The following ANKH variants were observed in gnomAD, a reference collection of about 807,000 sequenced individuals.
The protein encoded by ANKH is ANKH inorganic pyrophosphate transport regulator, also known as mineralization regulator ANKH.
ANKH carries 15 observed loss-of-function variants against 49.0 expected under a neutral mutation model. The observed-to-expected ratio is 0.31, with a 90% CI of 0.20 to 0.47. The LOEUF (loss-of-function observed/expected upper bound fraction) is 0.47. Among genes scored for constraint, ANKH ranks in the 20% least tolerant of loss-of-function variants. The pLI is 1.00. For missense variants in ANKH, 429 were observed against 652.0 expected (o/e 0.66, Z 3.72); for synonymous variants, 273 against 260.0 (o/e 1.05, Z -0.48).
rs552593337 is a variant in ANKH at position 14,725,425 on chromosome 5, C to T, written c.1012-8590G>A. Among the ~76,000 whole-genome samples the T allele has an allele frequency of 9.2e-5, 14 of 152,258 alleles. No homozygotes were observed. Among genetic ancestry groups the T allele is most frequent in the Non-Finnish European group, 1.8e-4 (12 of 68,048 alleles). On this transcript the variant is annotated intron_variant, in intron 8 of 11. Coordinates refer to ENST00000284268, the MANE Select transcript of ANKH (RefSeq NM_054027.6). This position sits in a 1 kb window ranked among gnomAD's most constrained non-coding sequence, Gnocchi z 4.0. The stretch of plus-strand genomic sequence containing the variant: ...TCCAAACAACGCCAGCTGAACTGGA[C>T]ATCATACCTGGTGACCAAGTTGATT...
At chr5:14,766,428 A>G (rs929803050) in intron 2 of ANKH, among the ~76,000 whole-genome samples, 3 of 152,120 alleles carry the variant, frequency 2.0e-5, no homozygotes. Flanking sequence ...AAACTGAAGA[A>G]AAGTGCTGAA....
intron 1 of ANKH, among the ~76,000 whole-genome samples, chr5:14,805,253 T>C (rs930275602): frequency 6.6e-6 from 1 of 151,634 alleles, no homozygotes; most frequent in African/African-American, 2.4e-5. Context: ...CCCTCGAACA[T>C]CAGACTCCAA....
chr5:14,741,118 T>TA (rs1271182266), intron 8 of ANKH, among the ~76,000 whole-genome samples: 7 of 152,352 alleles, frequency 4.6e-5, no homozygotes, highest in East Asian at 3.9e-4. Context: ...ATAAACGCTC[T>TA]AAAAAAACCT....
chr5:14,718,792 C>T (rs1397034478), intron 8 of ANKH, among the ~76,000 whole-genome samples: 1 of 147,338 alleles, frequency 6.8e-6, no homozygotes, highest in Non-Finnish European at 1.5e-5. Flanking sequence ...GCACTCCAGC[C>T]TGGGCAACAA....
rs1361481851 is a variant in ANKH, at chr5:14,758,618, A to G, written c.314-20T>C. ...TATAAGCTGCAAAGTGTCGAAAGGC[A>G]TATGTGGAAATATTTAGAAAAGGAT... On this transcript the variant is annotated intron_variant, in intron 2 of 11. Coordinates refer to ENST00000284268, the MANE Select transcript of ANKH (RefSeq NM_054027.6). 6.9e-7 allele frequency: 1 copy of G among 1,442,368 alleles called. No homozygotes were observed. Among genetic ancestry groups the G allele is most frequent in the East Asian group, 2.3e-5 (1 of 44,038 alleles). 89.3% of individuals were successfully genotyped at this position (1,442,368 alleles called of 1,614,324 possible). A position where few individuals can be genotyped will look rare whatever the true frequency, so the allele number is the denominator to read the frequency against.
chr5:14,709,896 C>T lies in ANKH; in HGVS notation c.*1301G>A, dbSNP rs1737096387. 1 of 152,662 alleles carries T rather than the reference C, an allele frequency of 6.6e-6. No homozygotes were observed. The highest frequency in any genetic ancestry group is 2.4e-5 in the African/African-American group (1 of 41,532). 9.5% of individuals were successfully genotyped at this position (152,662 alleles called of 1,614,324 possible). ...AAAATAAATTACATAACATATACAG[C>T]ATATATTTATATCTTTAAAATATTT... On this transcript the variant is annotated 3_prime_UTR_variant, in exon 12 of 12. Transcript: ENST00000284268.
intron 1 of ANKH, 121 bp downstream of exon 1, chr5:14,871,231 C>G: frequency 2.3e-6 from 2 of 868,332 alleles, no homozygotes; most frequent in Non-Finnish European, 3.7e-6. Context: ...AAGCTGCACA[C>G]CCGACCAAAT....
At chr5:14,810,592 CTAAT>C (rs1561066031) in intron 1 of ANKH, among the ~76,000 whole-genome samples, 1 of 152,196 alleles carries the variant, frequency 6.6e-6, no homozygotes, top group Admixed American at 6.5e-5. Context: ...AGTGACATGA[CTAAT>C]TACAGTAACC....
Position 14,819,891 on chromosome 5 carries a change from AC to A in ANKH, c.97-50701del, listed in dbSNP as rs1257052442. ...AACAATAACAACAACAACAACAACA[AC>A]AAAAATATACACACACACACACACA... On this transcript the variant is annotated intron_variant, in intron 1 of 11. Coordinates refer to ENST00000284268, the MANE Select transcript of ANKH (RefSeq NM_054027.6). Among the ~76,000 whole-genome samples, 21 of 111,754 alleles carry A rather than the reference AC, an allele frequency of 1.9e-4. 1 individual carries two copies. Among genetic ancestry groups the A allele is most frequent in the South Asian group, 6.1e-4 (2 of 3,284 alleles). The allele number at this position is 111,754 out of a possible 152,430, so 73.3% of individuals were successfully genotyped here.
chr5:14,775,556 T>C (rs1290919034), intron 1 of ANKH, among the ~76,000 whole-genome samples: 1 of 152,056 alleles, frequency 6.6e-6, no homozygotes, highest in Admixed American at 6.6e-5. Context: ...GGCTGGACAT[T>C]TTTTGCAGGA....
chr5:14,717,475 CTCCCCACCTCCCT>C (rs1455141140), intron 8 of ANKH, among the ~76,000 whole-genome samples: 2 of 152,232 alleles, frequency 1.3e-5, no homozygotes, highest in African/African-American at 4.8e-5. Context: ...GTGGAGCTCT[CTCCCCACCTCCCT>C]TCCCCACAGA....
chr5:14,754,533 T>C (rs1738818997), intron 4 of ANKH, among the ~76,000 whole-genome samples: 1 of 152,132 alleles, frequency 6.6e-6, no homozygotes, highest in African/African-American at 2.4e-5. Context: ...CTCTACTAAC[T>C]CTTAAGAAAA....
intron 8 of ANKH, among the ~76,000 whole-genome samples, chr5:14,719,629 T>C (rs375970979): frequency 1.3e-5 from 2 of 152,348 alleles, no homozygotes; most frequent in African/African-American, 2.4e-5. Flanking sequence ...AAGATGATAA[T>C]TGACAATTAT....
chr5:14,785,732 A>G (rs906707743), intron 1 of ANKH, among the ~76,000 whole-genome samples: 1 of 152,112 alleles, frequency 6.6e-6, no homozygotes, highest in African/African-American at 2.4e-5. Context: ...TTCTAATAAA[A>G]CTCCTTAGTA....
At chr5:14,785,396 T>C (rs1739940623) in intron 1 of ANKH, among the ~76,000 whole-genome samples, 1 of 152,106 alleles carries the variant, frequency 6.6e-6, no homozygotes, top group Admixed American at 6.5e-5. Flanking sequence ...TCTGATTGTT[T>C]AAAAGTCTGG....
rs570032612 is a variant in ANKH at position 14,759,079 on chromosome 5, T to G, written c.314-481A>C. On this transcript the variant is annotated intron_variant, in intron 2 of 11. Transcript: ENST00000284268. ...AAATGTTTACACATATTCTTAACTATGTACTAAGAGAAAATTTCTAGATGT... is the reference window on the plus strand; with the variant it reads ...AAATGTTTACACATATTCTTAACTAGGTACTAAGAGAAAATTTCTAGATGT... 2.0e-4 allele frequency among the ~76,000 whole-genome samples: 30 copies of G among 152,336 alleles called. No homozygotes were observed. In the South Asian group the frequency reaches 5.8e-3, roughly 29 times the overall value.
chr5:14,869,911 T>C (rs568931567), intron 1 of ANKH: 1 of 152,326 alleles, frequency 6.6e-6, no homozygotes, highest in Admixed American at 6.5e-5. Context: ...CTCGAGTGAA[T>C]ATACAGCATT....
chr5:14,712,451 C>T (rs180987359), intron 11 of ANKH, among the ~76,000 whole-genome samples: 517 of 152,378 alleles, frequency 3.4e-3, no homozygotes, highest in African/African-American at 0.012. Context: ...CCGCCCATGA[C>T]CAGAGAGGCT....
chr5:14,827,173 G>T (rs540964010), intron 1 of ANKH, among the ~76,000 whole-genome samples: 1 of 152,146 alleles, frequency 6.6e-6, no homozygotes. Flanking sequence ...TTCTTTCCGC[G>T]TGACTCTGAC....
Sources: allele counts gnomAD v4.1 joint callset (sites outside exome capture counted in the v4.1 genomes callset), GRCh38; gene constraint gnomAD v4.1.1; non-coding constraint Gnocchi (gnomAD v3.1); transcripts MANE v1.5; gene names NCBI Gene and HGNC (gene_info 2026-07-23, HGNC 2026-07-21).